The following KIN variants were observed in gnomAD, a reference collection of about 807,000 sequenced individuals.
The protein encoded by KIN is DNA/RNA-binding protein KIN17.
Under a neutral mutation model 63.0 loss-of-function variants are expected in KIN, and 47 were observed. The observed-to-expected ratio is 0.75, with a 90% CI of 0.59 to 0.95. The LOEUF is 0.95. KIN is among the 40% of genes least tolerant of loss of function. KIN has a pLI of 0.00. For synonymous variants in KIN, 160 were observed against 157.7 expected (o/e 1.01, Z -0.11); for missense variants, 408 against 460.9 (o/e 0.89, Z 1.05).
chr10:7,774,846 G>A lies in KIN; in HGVS notation c.653C>T (p.Thr218Ile). Reference protein sequence around the residue: ...SKGACSSSGATSSKSSTLGPS... With the variant: ...SKGACSSSGAISSKSSTLGPS... ...TGCAGCTCACCTTGACTTGGAAGAT[G>A]TTGCTCCGGATGAGCTACATGCTCC... Residue 218 changes from threonine to isoleucine, a missense_variant, in exon 7 of 13, where the codon ACA (threonine) becomes ATA (isoleucine). This residue lies in a region of KIN where 298 missense variants were observed against 296.0 expected (regional missense o/e 1.01). Coordinates refer to ENST00000379562, the MANE Select transcript of KIN (RefSeq NM_012311.4). 1 of 1,613,232 alleles carries A rather than the reference G, an allele frequency of 6.2e-7. No homozygotes were observed. The highest frequency in any genetic ancestry group is 8.5e-7 in the Non-Finnish European group (1 of 1,179,306).
At chr10:7,782,400 CA>C (rs1359383183) in intron 2 of KIN, among the ~76,000 whole-genome samples, 2 of 136,892 alleles carry the variant, frequency 1.5e-5, no homozygotes, top group African/African-American at 5.1e-5. Context: ...TTTTTAGTGC[CA>C]TTTTTTTTTT....
intron 9 of KIN, 76 bp downstream of exon 9, chr10:7,765,977 A>G (rs1004913168): frequency 9.7e-7 from 1 of 1,028,772 alleles, no homozygotes; most frequent in African/African-American, 1.6e-5. Flanking sequence ...AAGTTTAGTT[A>G]CTTATACCAA....
Position 7,769,199 on chromosome 10 carries a change from C to A in KIN, c.798+17G>T. The A allele has an allele frequency of 1.3e-6, 2 of 1,596,082 alleles. No individual in the cohort carries two copies. The highest frequency in any genetic ancestry group is 2.3e-5 in the South Asian group (2 of 87,838). Reference sequence around the variant, plus strand: ...CCTTGGGTTCTAAGGTGTCCACACGCAATCCATAAACTGTACCTCCATGAT... The same window carrying A: ...CCTTGGGTTCTAAGGTGTCCACACGAAATCCATAAACTGTACCTCCATGAT... On this transcript the variant is annotated intron_variant, in intron 8 of 12. Coordinates refer to ENST00000379562, the MANE Select transcript of KIN (RefSeq NM_012311.4).
chr10:7,780,686 C>G (rs957227606), intron 2 of KIN, among the ~76,000 whole-genome samples: 2 of 152,206 alleles, frequency 1.3e-5, no homozygotes, highest in African/African-American at 4.8e-5. Context: ...CAGGCGTGAG[C>G]CACTGCATCT....
chr10:7,785,802 G>C (rs1588490514), intron 1 of KIN, among the ~76,000 whole-genome samples: 1 of 142,248 alleles, frequency 7.0e-6, no homozygotes, highest in South Asian at 2.2e-4. Flanking sequence ...AGACAGGTGA[G>C]ACTCTGTCTA....
At chr10:7,785,690 A>G (rs1349346147) in intron 1 of KIN, among the ~76,000 whole-genome samples, 1 of 151,850 alleles carries the variant, frequency 6.6e-6, no homozygotes, top group Non-Finnish European at 1.5e-5. Flanking sequence ...CCTGTAAAGT[A>G]GCTGGGACAG....
intron 8 of KIN, 90 bp from the exon 9 acceptor site, chr10:7,766,193 A>G: frequency 1.2e-6 from 1 of 808,284 alleles, no homozygotes. Flanking sequence ...ACACCATAAA[A>G]CTGTGAAGTC....
intron 12 of KIN, among the ~76,000 whole-genome samples, chr10:7,757,274 G>A (rs970260207): frequency 6.6e-6 from 1 of 152,106 alleles, no homozygotes; most frequent in Non-Finnish European, 1.5e-5. Context: ...CGAGGCAGGT[G>A]GATCACCTGA....
intron 7 of KIN, among the ~76,000 whole-genome samples, chr10:7,774,460 G>A (rs1564321152): frequency 6.6e-6 from 1 of 152,118 alleles, no homozygotes; most frequent in East Asian, 1.9e-4. Flanking sequence ...TTATTGATGT[G>A]AAACATATAA....
chr10:7,753,315 G>C lies in KIN; in HGVS notation c.*2765C>G, dbSNP rs1385572533. On this transcript the variant is annotated 3_prime_UTR_variant, in exon 13 of 13. Transcript: ENST00000379562. Reference sequence around the variant, plus strand: ...GTTGGAGAATTAAATGTGGGAGGCAGACATGAAACATTTTTTCTCTGAAGA... The same window carrying C: ...GTTGGAGAATTAAATGTGGGAGGCACACATGAAACATTTTTTCTCTGAAGA... 6.6e-6 allele frequency: 1 copy of C among 152,224 alleles called. No homozygotes were observed. The highest frequency in any genetic ancestry group is 6.5e-5 in the Admixed American group (1 of 15,284). 9.4% of individuals were successfully genotyped at this position (152,224 alleles called of 1,614,324 possible).
At chr10:7,771,342 C>A (rs894443192) in intron 7 of KIN, among the ~76,000 whole-genome samples, 1 of 152,158 alleles carries the variant, frequency 6.6e-6, no homozygotes, top group East Asian at 1.9e-4. Flanking sequence ...GTCTCATGTT[C>A]ACAAACCACC....
Position 7,783,158 on chromosome 10 carries a change from A to G in KIN, c.132T>C (p.His44=). 1.3e-6 allele frequency: 2 copies of G among 1,594,598 alleles called. No homozygotes were observed. The highest frequency in any genetic ancestry group is 1.7e-6 in the Non-Finnish European group (2 of 1,170,038). The change falls in exon 2 of 13, where the codon CAT becomes CAC. Residue 44 remains histidine, a synonymous_variant. Transcript: ENST00000379562. ...QCRDENGFKC[H]CMSESHQRQL... is the part of the protein sequence containing the mutation. ...GTCTCTGATGAGATTCGGACATACA[A>G]TGACACTTAAAGCCATTCTACAAAA... is the stretch of plus-strand genomic sequence containing the variant.
intron 12 of KIN, among the ~76,000 whole-genome samples, chr10:7,757,095 G>T (rs754346639): frequency 3.2e-4 from 49 of 152,192 alleles, no homozygotes; most frequent in Admixed American, 5.9e-4. Context: ...TGATTGGGTT[G>T]TTGGGAAATA....
intron 12 of KIN, 66 bp from the exon 13 acceptor site, chr10:7,756,208 C>T: frequency 1.1e-6 from 1 of 919,764 alleles, no homozygotes; most frequent in Admixed American, 2.8e-5. Flanking sequence ...AAAAATGACA[C>T]CATACTTATG....
At position 7,769,251 on chromosome 10, in the gene KIN, T is replaced by C. The variant is rs1835616361; in HGVS notation, c.763A>G (p.Lys255Glu). The C allele has an allele frequency of 1.2e-6, 2 of 1,613,218 alleles. No homozygotes were observed. The highest frequency in any genetic ancestry group is 2.7e-5 in the African/African-American group (2 of 74,840). Residue 255 changes from lysine (K) to glutamate (E), a missense_variant, in exon 8 of 13, where the codon AAG becomes GAG. Transcript: ENST00000379562. ...TCATCCAGTGCAGATTTCTTTTTCT[T>C]CTTTTCTTTAGACTGAGTTGAGCTC... ...SQSSTQSKEK[K>E]KKKSALDEIM...
intron 11 of KIN, 44 bp from the exon 12 acceptor site, chr10:7,760,034 C>T: frequency 2.2e-6 from 2 of 921,870 alleles, no homozygotes; most frequent in Non-Finnish European, 3.4e-6. Flanking sequence ...AGAAATATCT[C>T]CACTTTTCTT....
At position 7,766,972 on chromosome 10, in the gene KIN, G is replaced by A. The variant is rs139651618; in HGVS notation, c.799-869C>T. On this transcript the variant is annotated intron_variant, in intron 8 of 12. Coordinates refer to ENST00000379562, the MANE Select transcript of KIN (RefSeq NM_012311.4). ...TGTGAGGCGGAGGTTGCAGTGAGCC[G>A]AGGTCACATTGCTGCACTCCAGCCT... Among the ~76,000 whole-genome samples the A allele has an allele frequency of 1.8e-3, 276 of 150,850 alleles. 1 individual carries two copies. Among genetic ancestry groups the A allele is most frequent in the African/African-American group, 6.1e-3 (250 of 40,910 alleles).
At chr10:7,768,276 T>C (rs1835592606) in intron 8 of KIN, among the ~76,000 whole-genome samples, 1 of 152,050 alleles carries the variant, frequency 6.6e-6, no homozygotes. Flanking sequence ...TTCCAGCAAT[T>C]TGGGAGGTCA....
At chr10:7,760,740 C>T (rs1203224699) in intron 11 of KIN, among the ~76,000 whole-genome samples, 1 of 152,032 alleles carries the variant, frequency 6.6e-6, no homozygotes, top group East Asian at 1.9e-4. Flanking sequence ...ATAAGTTAAA[C>T]TTTATTATAG....
Sources: gnomAD v4.1 joint callset for allele counts (sites outside exome capture counted in the v4.1 genomes callset) on GRCh38, gnomAD v4.1.1 for gene constraint, gnomAD v4.1.1 regional missense constraint, MANE v1.5 for transcripts, NCBI Gene and HGNC (gene_info 2026-07-23, HGNC 2026-07-21) for gene names.